DENND2C: variants seen among roughly 807,000 people sequenced by gnomAD.
The protein encoded by DENND2C is DENN domain-containing protein 2C.
A neutral mutation model predicts 112.4 loss-of-function variants in DENND2C; 72 were observed. The ratio of observed to expected loss-of-function variants is 0.64; its 90% CI spans 0.53 to 0.78. DENND2C has a LOEUF of 0.78. DENND2C is among the 30% of genes least tolerant of loss of function. The pLI, the probability that DENND2C is intolerant of heterozygous loss-of-function variation, is 0.00. For synonymous variants in DENND2C, 329 were observed against 381.6 expected, an observed-to-expected ratio of 0.86 and a Z score of 1.61; for missense variants, 992 against 1,113.8, an observed-to-expected ratio of 0.89 and a Z score of 1.56.
chr1:114,592,895 C>T (rs897131041), intron 18 of DENND2C, among the ~76,000 whole-genome samples: 4 of 152,174 alleles, frequency 2.6e-5, no homozygotes, highest in Non-Finnish European at 5.9e-5. Flanking sequence ...CGTCGCCATA[C>T]TTGGTCTCTT....
chr1:114,593,155 A>G (rs1655243091), intron 18 of DENND2C, among the ~76,000 whole-genome samples: 1 of 152,036 alleles, frequency 6.6e-6, no homozygotes, highest in Non-Finnish European at 1.5e-5. Context: ...GTTTACACAC[A>G]TACTTTCCTG....
chr1:114,612,520 ATT>A (rs1158221276), intron 8 of DENND2C, among the ~76,000 whole-genome samples: 14 of 125,734 alleles, frequency 1.1e-4, no homozygotes, highest in Non-Finnish European at 8.5e-5. Flanking sequence ...CACCCAGCTA[ATT>A]TTTTTTTTTT....
chr1:114,642,193 C>T (rs1441988942), intron 3 of DENND2C, among the ~76,000 whole-genome samples: 5 of 152,158 alleles, frequency 3.3e-5, no homozygotes, highest in African/African-American at 9.7e-5. Flanking sequence ...TCAAGTGATC[C>T]GTCCGCCTCG....
intron 3 of DENND2C, among the ~76,000 whole-genome samples, chr1:114,636,244 A>C (rs1391014791): frequency 6.6e-6 from 1 of 152,120 alleles, no homozygotes; most frequent in African/African-American, 2.4e-5. Flanking sequence ...CAATCTGATA[A>C]AGTATCTATA....
intron 7 of DENND2C, among the ~76,000 whole-genome samples, chr1:114,618,689 G>A (rs1478439872): frequency 6.6e-6 from 1 of 152,188 alleles, no homozygotes; most frequent in Non-Finnish European, 1.5e-5. Context: ...ACATGGGGAA[G>A]GAAAGCAGGA....
At chr1:114,609,010 C>G in intron 9 of DENND2C, 137 bp from the exon 10 acceptor site, 2 of 940,030 alleles carry the variant, frequency 2.1e-6, no homozygotes, top group Non-Finnish European at 3.2e-6. Context: ...GCATCTGCCA[C>G]ATAGACATAC....
intron 16 of DENND2C, among the ~76,000 whole-genome samples, chr1:114,597,580 G>C (rs148155129): frequency 0.027 from 4,011 of 149,956 alleles, 94 homozygotes; most frequent in Non-Finnish European, 0.035. Context: ...TCAGTAGTTT[G>C]AGACCAGCCT....
chr1:114,601,456 ATTAAGAG>A (rs749679848), intron 13 of DENND2C, 45 bp downstream of exon 13: 277 of 1,555,880 alleles, frequency 1.8e-4, no homozygotes, highest in Non-Finnish European at 2.4e-4. Context: ...GCCACTTAAT[ATTAAGAG>A]CTCAAAAAGG....
At chr1:114,614,205 C>T (rs1655895548) in intron 8 of DENND2C, among the ~76,000 whole-genome samples, 2 of 149,000 alleles carry the variant, frequency 1.3e-5, no homozygotes, top group South Asian at 2.1e-4. Context: ...GCACCCCAGC[C>T]TGTGTGACAG....
chr1:114,659,287 G>C (rs1033430659), intron 1 of DENND2C, among the ~76,000 whole-genome samples: 2 of 152,068 alleles, frequency 1.3e-5, no homozygotes, highest in African/African-American at 4.8e-5. Flanking sequence ...GATCACTTGC[G>C]GTCAGGAGTT....
At chr1:114,646,169 C>T (rs868629071) in intron 2 of DENND2C, among the ~76,000 whole-genome samples, 2 of 151,994 alleles carry the variant, frequency 1.3e-5, no homozygotes, top group Admixed American at 1.3e-4. Context: ...CCTTGTGATC[C>T]GCCTGCCTCA....
chr1:114,655,006 T>C (rs948483717), intron 1 of DENND2C, among the ~76,000 whole-genome samples: 1 of 152,208 alleles, frequency 6.6e-6, no homozygotes, highest in African/African-American at 2.4e-5. Flanking sequence ...TGACCAGGAC[T>C]TAAGTCACAT....
chr1:114,625,846 C>T lies in DENND2C; in HGVS notation c.139G>A (p.Gly47Arg), dbSNP rs757538302. 9 of 1,614,058 alleles carry T rather than the reference C, an allele frequency of 5.6e-6. No homozygotes were observed. In the Middle Eastern group the frequency reaches 6.6e-4, roughly 118 times the overall value. Residue 47 changes from glycine to arginine, a missense_variant, in exon 4 of 21, where the codon GGA (glycine) becomes AGA (arginine). By Grantham distance (125) the Gly-to-Arg change is moderately radical. Transcript: ENST00000393274. The part of the protein sequence containing the change: ...NPEKWCPKDF[G>R]VRYNCHQEIR... ...TCTTGGTGACAGTTATATCTCACTC[C>T]AAAGTCCTTTGGACACCACTTTTCT...
chr1:114,588,803 G>A (rs1378798081), intron 18 of DENND2C, among the ~76,000 whole-genome samples: 4 of 151,960 alleles, frequency 2.6e-5, no homozygotes, highest in African/African-American at 9.7e-5. Flanking sequence ...ATGTTGCCCA[G>A]GCACTTGTCT....
At chr1:114,652,240 T>C (rs181516437) in intron 2 of DENND2C, among the ~76,000 whole-genome samples, 2 of 152,140 alleles carry the variant, frequency 1.3e-5, no homozygotes, top group Admixed American at 1.3e-4. Context: ...AAAATAAAAG[T>C]GGGGAAAAGC....
At chr1:114,633,439 CAAAAAAAA>C (rs780884019) in intron 3 of DENND2C, among the ~76,000 whole-genome samples, 1 of 49,216 alleles carries the variant, frequency 2.0e-5, no homozygotes, top group African/African-American at 6.7e-5. Flanking sequence ...GACCCTATCT[CAAAAAAAA>C]AAAAAAAAAA....
intron 3 of DENND2C, among the ~76,000 whole-genome samples, chr1:114,640,552 G>T (rs555466799): frequency 6.6e-6 from 1 of 152,338 alleles, no homozygotes; most frequent in East Asian, 1.9e-4. Flanking sequence ...ATGTGTGTGT[G>T]ACCATGGTGG....
intron 16 of DENND2C, among the ~76,000 whole-genome samples, chr1:114,597,797 A>G (rs1655386050): frequency 6.6e-6 from 1 of 152,218 alleles, no homozygotes; most frequent in South Asian, 2.1e-4. Flanking sequence ...ACGAAACAAA[A>G]CAGTAAGAGA....
Position 114,600,240 on chromosome 1 carries a change from A to G in DENND2C, c.2069T>C (p.Leu690Ser), listed in dbSNP as rs780334463. 3.1e-6 allele frequency: 5 copies of G among 1,613,994 alleles called. No individual in the cohort carries two copies. The highest frequency in any genetic ancestry group is 1.3e-5 in the African/African-American group (1 of 74,920). The change falls in exon 15 of 21, where the codon TTG (leucine) becomes TCG (serine). Residue 690 changes from leucine (L) to serine (S), a missense_variant. This residue lies in a region of DENND2C where 516 missense variants were observed against 623.6 expected (regional missense o/e 0.83). Coordinates refer to ENST00000393274, the MANE Select transcript of DENND2C (RefSeq NM_001256404.2). ...GGCAACAAAGATTACCCTACGCTCC[A>G]AAAGGAGAGAGGCACAGACCCGGAT... is the stretch of plus-strand genomic sequence containing the variant. ...HLIRVCASLL[L>S]ERRVIFVANS... is the part of the protein sequence containing the mutation.
Sources: allele counts gnomAD v4.1 joint callset (sites outside exome capture counted in the v4.1 genomes callset), GRCh38; gene constraint gnomAD v4.1.1; regional missense constraint gnomAD v4.1.1; transcripts MANE v1.5; gene names NCBI Gene and HGNC (gene_info 2026-07-23, HGNC 2026-07-21).